Variants in KCNN1 observed in about 807,000 individuals in gnomAD.
KCNN1 encodes the protein small conductance calcium-activated potassium channel protein 1.
In KCNN1, 20 loss-of-function variants were observed where a neutral mutation model predicts 44.7. That is an observed-to-expected ratio of 0.45 (90% CI 0.32 to 0.65). The LOEUF is 0.65. Among genes scored for constraint, KCNN1 ranks in the 30% least tolerant of loss-of-function variants. The probability of loss-of-function intolerance (pLI) is 0.05; values close to 1 mark genes in which losing one functional copy is unlikely to be tolerated. For missense variants in KCNN1, 632 were observed against 785.3 expected, an observed-to-expected ratio of 0.80 and a Z score of 2.33; for synonymous variants, 324 against 341.7, an observed-to-expected ratio of 0.95 and a Z score of 0.57.
At chr19:17,973,486 G>C (rs980000042) in intron 1 of KCNN1, among the ~76,000 whole-genome samples, 4 of 152,132 alleles carry the variant, frequency 2.6e-5, no homozygotes, top group African/African-American at 9.7e-5. Flanking sequence ...TCGCCATGTT[G>C]GCCAGGCCAG....
chr19:17,966,640 C>T (rs1445439021), upstream of KCNN1, among the ~76,000 whole-genome samples: 2 of 152,178 alleles, frequency 1.3e-5, no homozygotes, highest in Non-Finnish European at 2.9e-5. Context: ...GAAGGCCCTA[C>T]ACCTGGCTCC....
chr19:17,995,902 G>A (rs887788827), intron 9 of KCNN1, among the ~76,000 whole-genome samples: 3 of 151,862 alleles, frequency 2.0e-5, no homozygotes, highest in South Asian at 2.1e-4. Context: ...AAGTTTTGAC[G>A]CCCCCTCACC....
chr19:17,994,924 C>T (rs531242650), intron 9 of KCNN1, among the ~76,000 whole-genome samples: 1 of 152,354 alleles, frequency 6.6e-6, no homozygotes, highest in South Asian at 2.1e-4. Context: ...GAGATCTTTG[C>T]AACACTGATT....
intron 6 of KCNN1, 86 bp from the exon 7 acceptor site, chr19:17,989,630 A>G: frequency 1.3e-6 from 2 of 1,590,560 alleles, no homozygotes; most frequent in Non-Finnish European, 1.7e-6. Context: ...AGAAGTTTCT[A>G]GAGGTTTCTG....
intron 2 of KCNN1, among the ~76,000 whole-genome samples, chr19:17,961,586 C>CTTTCTTTCTTT (rs113710284): frequency 1.5e-5 from 2 of 130,050 alleles, no homozygotes; most frequent in Non-Finnish European, 3.1e-5. Flanking sequence ...TTCTTTCTTT[C>CTTTCTTTCTTT]TTTTTTTTTT....
At chr19:17,992,676 A>C (rs2032835603) in intron 7 of KCNN1, among the ~76,000 whole-genome samples, 3 of 152,174 alleles carry the variant, frequency 2.0e-5, no homozygotes, top group Non-Finnish European at 4.4e-5. Flanking sequence ...CTGTCCAGAG[A>C]CCAGGGTCAC....
intron 7 of KCNN1, chr19:17,990,184 A>T (rs776809286): frequency 4.4e-6 from 2 of 453,798 alleles, no homozygotes; most frequent in Non-Finnish European, 8.7e-6. Context: ...CCATGGGATC[A>T]TGTAGGATAA....
chr19:17,951,629 G>T (rs983835977), intron 1 of KCNN1, among the ~76,000 whole-genome samples: 2 of 152,080 alleles, frequency 1.3e-5, no homozygotes, highest in Admixed American at 6.6e-5. Flanking sequence ...CGCGCAGGTT[G>T]GGGGGAGGGT....
At position 17,990,526 on chromosome 19, in the gene KCNN1, C is replaced by A. The variant is rs1396156452; in HGVS notation, c.1298+683C>A. Among the ~76,000 whole-genome samples the A allele has an allele frequency of 4.8e-5, 7 of 147,232 alleles. No individual in the cohort carries two copies. In the East Asian group the frequency reaches 1.4e-3, roughly 30 times the overall value. Reference sequence around the variant, plus strand: ...AAAGAAAAAGAAAAAAAAGGCCGGGCGCGGTGGCTCACGCCTGTAATCCCA... The same window carrying A: ...AAAGAAAAAGAAAAAAAAGGCCGGGAGCGGTGGCTCACGCCTGTAATCCCA... On this transcript the variant is annotated intron_variant, in intron 7 of 9. Coordinates refer to ENST00000684775, the MANE Select transcript of KCNN1 (RefSeq NM_001386974.1).
intron 2 of KCNN1, among the ~76,000 whole-genome samples, chr19:17,961,787 T>A (rs930453707): frequency 2.0e-5 from 3 of 152,114 alleles, no homozygotes; most frequent in Non-Finnish European, 4.4e-5. Context: ...TTCACCATAT[T>A]GGCTAGGCTG....
chr19:17,970,114 A>T (rs2031958690), intron 1 of KCNN1, among the ~76,000 whole-genome samples: 1 of 151,930 alleles, frequency 6.6e-6, no homozygotes, highest in Non-Finnish European at 1.5e-5. Flanking sequence ...GTACTAGGCC[A>T]CATGAGGCTA....
intron 9 of KCNN1, among the ~76,000 whole-genome samples, chr19:17,996,717 T>C (rs1423411251): frequency 6.6e-6 from 1 of 152,240 alleles, no homozygotes; most frequent in Non-Finnish European, 1.5e-5. Flanking sequence ...CTCTAGGGAC[T>C]GTGGTGCCTG....
intron 1 of KCNN1, chr19:17,952,221 C>A (rs1290587191): frequency 1.3e-5 from 2 of 151,884 alleles, no homozygotes; most frequent in African/African-American, 4.8e-5. Context: ...GGGAGGGGGT[C>A]GGCTCTGCGG....
Position 17,998,105 on chromosome 19 carries a change from C to G in KCNN1, c.1378-47C>G. 2 of 1,518,360 alleles carry G rather than the reference C, an allele frequency of 1.3e-6. No homozygotes were observed. Among genetic ancestry groups the G allele is most frequent in the Non-Finnish European group, 1.8e-6 (2 of 1,133,580 alleles). The allele number at this position is 1,518,360 out of a possible 1,614,324, so 94.1% of individuals were successfully genotyped here. A position where few individuals can be genotyped will look rare whatever the true frequency, so the allele number is the denominator to read the frequency against. ...TGGTGTCGTGGTATCGTCCTTTCCT[C>G]TCTCACTCAGCGGCGCCTCTCTCCT... On this transcript the variant is annotated intron_variant, in intron 9 of 9. Coordinates refer to ENST00000684775, the MANE Select transcript of KCNN1 (RefSeq NM_001386974.1). The surrounding 1 kb of genome is among the most constrained non-coding windows in gnomAD (Gnocchi z 5.4).
chr19:17,963,973 A>C (rs1349044800), upstream of KCNN1, among the ~76,000 whole-genome samples: 2 of 151,906 alleles, frequency 1.3e-5, no homozygotes, highest in Non-Finnish European at 2.9e-5. Context: ...TAAAATTCTC[A>C]GTTTTATTTC....
rs995879325 is a variant in KCNN1 at position 17,967,976 on chromosome 19, C to A, written c.-82+659C>A. Among the ~76,000 whole-genome samples the A allele has an allele frequency of 4.6e-5, 7 of 151,576 alleles. No individual in the cohort carries two copies. In the South Asian group the frequency reaches 1.3e-3, roughly 27 times the overall value. ...ATGGGGGGATCGGGCGGGTAGCCAG[C>A]GCCTTGCTGCACTGGCTCCTGGGCG... On this transcript the variant is annotated intron_variant, in intron 1 of 9. Coordinates refer to ENST00000684775, the MANE Select transcript of KCNN1 (RefSeq NM_001386974.1).
upstream of KCNN1, among the ~76,000 whole-genome samples, chr19:17,962,168 G>C (rs1282195438): frequency 6.6e-6 from 1 of 152,214 alleles, no homozygotes; most frequent in Non-Finnish European, 1.5e-5. Context: ...GAATGGACAG[G>C]ATGGGACAGT....
At chr19:17,955,168 G>A (rs2031511678) in intron 2 of KCNN1, among the ~76,000 whole-genome samples, 1 of 150,866 alleles carries the variant, frequency 6.6e-6, no homozygotes, top group African/African-American at 2.4e-5. Context: ...GAGTCCAGGA[G>A]TTCGAGGCTG....
At chr19:17,997,329 G>T (rs2033033503) in intron 9 of KCNN1, among the ~76,000 whole-genome samples, 2 of 152,070 alleles carry the variant, frequency 1.3e-5, no homozygotes, top group African/African-American at 4.8e-5. Flanking sequence ...CTGTTCCCCA[G>T]CCTGGAGCAA....
Sources: gnomAD v4.1 joint callset for allele counts (sites outside exome capture counted in the v4.1 genomes callset) on GRCh38, gnomAD v4.1.1 for gene constraint, Gnocchi (gnomAD v3.1) non-coding constraint, MANE v1.5 for transcripts, NCBI Gene and HGNC (gene_info 2026-07-23, HGNC 2026-07-21) for gene names.